The following ZNF365 variants were observed in gnomAD, a reference collection of about 807,000 sequenced individuals.
ZNF365 encodes the protein zinc finger protein 365.
In ZNF365, 22 loss-of-function variants were observed where a neutral mutation model predicts 35.0. The ratio of observed to expected loss-of-function variants is 0.63; its 90% CI spans 0.45 to 0.90. The LOEUF is 0.90. Ranked by LOEUF, ZNF365 falls within the 40% of genes least tolerant of loss-of-function variation. The pLI, the probability that ZNF365 is intolerant of heterozygous loss-of-function variation, is 0.00. For missense variants in ZNF365, 448 were observed against 500.3 expected, an observed-to-expected ratio of 0.90 and a Z score of 1.00; for synonymous variants, 188 against 196.2, an observed-to-expected ratio of 0.96 and a Z score of 0.35.
chr10:62,393,528 G>A lies in ZNF365; in HGVS notation c.924+4952G>A, dbSNP rs574261275. 4.6e-5 allele frequency among the ~76,000 whole-genome samples: 7 copies of A among 152,260 alleles called. No individual in the cohort carries two copies. In the South Asian group the frequency reaches 6.2e-4, roughly 14 times the overall value. ...AACACCCTCGTATATGCAGTCTGTC[G>A]TTGACTGAAACATTGTTTTTTAGTA... On this transcript the variant is annotated intron_variant, in intron 3 of 4. Transcript: ENST00000395254.
intron 3 of ZNF365, among the ~76,000 whole-genome samples, chr10:62,408,833 C>A (rs2893900): frequency 6.6e-6 from 1 of 152,026 alleles, no homozygotes; most frequent in Non-Finnish European, 1.5e-5. Flanking sequence ...TATCTTGATG[C>A]GTTGGTTTTG....
chr10:62,474,740 AG>A (rs1197894581), intron 4 of ZNF365, among the ~76,000 whole-genome samples: 2 of 152,190 alleles, frequency 1.3e-5, no homozygotes, highest in African/African-American at 4.8e-5. Context: ...CCCATCCTAT[AG>A]GAATCACAAA....
At chr10:62,441,639 C>G (rs1257928501) in intron 3 of ZNF365, among the ~76,000 whole-genome samples, 3 of 152,174 alleles carry the variant, frequency 2.0e-5, no homozygotes, top group Non-Finnish European at 4.4e-5. Context: ...TTGGGAATCA[C>G]ATATTCTATA....
intron 3 of ZNF365, among the ~76,000 whole-genome samples, chr10:62,391,622 C>T (rs1839631063): frequency 6.6e-6 from 1 of 152,212 alleles, no homozygotes; most frequent in Admixed American, 6.5e-5. Context: ...ATATAAACCA[C>T]AATTTCTTTA....
At chr10:62,445,720 T>C (rs1177329042) in intron 3 of ZNF365, among the ~76,000 whole-genome samples, 3 of 152,198 alleles carry the variant, frequency 2.0e-5, no homozygotes, top group Non-Finnish European at 4.4e-5. Context: ...TTTGTGTATG[T>C]TTGAAAGTTT....
intron 3 of ZNF365, among the ~76,000 whole-genome samples, chr10:62,410,920 A>G (rs1839975693): frequency 6.6e-6 from 1 of 152,162 alleles, no homozygotes; most frequent in Admixed American, 6.6e-5. Context: ...CATTTTCTCT[A>G]CAACCTTGCC....
intron 3 of ZNF365, among the ~76,000 whole-genome samples, chr10:62,389,106 T>G (rs1414633826): frequency 6.6e-6 from 1 of 152,198 alleles, no homozygotes; most frequent in Non-Finnish European, 1.5e-5. Flanking sequence ...TAGGGTAGAT[T>G]CCTGCATACA....
In ZNF365 at chr10:62,400,120, G is replaced by A; in HGVS notation, c.*331G>A. The A allele has an allele frequency of 1.9e-6, 2 of 1,057,156 alleles. No individual in the cohort carries two copies. The highest frequency in any genetic ancestry group is 1.7e-5 in the African/African-American group (1 of 60,272). 65.5% of individuals were successfully genotyped at this position (1,057,156 alleles called of 1,614,324 possible). A position where few individuals can be genotyped will look rare whatever the true frequency, so the allele number is the denominator to read the frequency against. On this transcript the variant is annotated 3_prime_UTR_variant, in exon 5 of 5. Transcript: ENST00000395254. ...CTATGCAGTGGTCACTAATTTTCAG[G>A]ACCAAGGCCACACAAAATGTCAGGC...
At chr10:62,465,277 G>C (rs1006799099) in intron 4 of ZNF365, among the ~76,000 whole-genome samples, 4 of 152,202 alleles carry the variant, frequency 2.6e-5, no homozygotes, top group African/African-American at 9.6e-5. Flanking sequence ...CTTCCTCCAG[G>C]CTTTGGGCAC....
At chr10:62,456,998 G>A (rs1385501790) in intron 3 of ZNF365, among the ~76,000 whole-genome samples, 1 of 152,146 alleles carries the variant, frequency 6.6e-6, no homozygotes, top group African/African-American at 2.4e-5. Context: ...GCTCAGCTGG[G>A]GGTCAGCTAA....
At chr10:62,427,165 A>G (rs1450742546) in intron 3 of ZNF365, among the ~76,000 whole-genome samples, 2 of 152,156 alleles carry the variant, frequency 1.3e-5, no homozygotes, top group Non-Finnish European at 2.9e-5. Flanking sequence ...CTTTTTCTAT[A>G]CTATTTATCA....
chr10:62,422,898 T>G (rs1322416809), intron 3 of ZNF365, among the ~76,000 whole-genome samples: 1 of 152,164 alleles, frequency 6.6e-6, no homozygotes, highest in East Asian at 1.9e-4. Flanking sequence ...CAGACTCCCT[T>G]GGCACCTACT....
chr10:62,420,946 C>T lies in ZNF365; in HGVS notation c.924+32370C>T, dbSNP rs529654988. 2.0e-4 allele frequency among the ~76,000 whole-genome samples: 30 copies of T among 150,404 alleles called. 1 individual carries two copies. The South Asian group carries it at 5.7e-3, about 28-fold the overall frequency. On this transcript the variant is annotated intron_variant, in intron 3 of 4. Coordinates refer to the ZNF365 transcript ENST00000395255. ...CAGAGGCACCTGTCACCACACCCGG[C>T]TAGTTTTTTATATTTTTGTAGAGAT... is the stretch of plus-strand genomic sequence containing the variant.
At chr10:62,442,013 C>T (rs888987637) in intron 3 of ZNF365, among the ~76,000 whole-genome samples, 1 of 152,156 alleles carries the variant, frequency 6.6e-6, no homozygotes, top group Non-Finnish European at 1.5e-5. Flanking sequence ...TTTTCTTTTG[C>T]CTTCCCAAGC....
chr10:62,383,019 A>C (rs1839466309), intron 2 of ZNF365, among the ~76,000 whole-genome samples: 2 of 151,516 alleles, frequency 1.3e-5, no homozygotes, highest in African/African-American at 2.4e-5. Flanking sequence ...CCCACCCCCT[A>C]CTCCTGTAGG....
intron 3 of ZNF365, among the ~76,000 whole-genome samples, chr10:62,445,358 T>C (rs528402490): frequency 1.3e-5 from 2 of 151,724 alleles, no homozygotes. Context: ...CACACTGACT[T>C]CCACAATGGT....
chr10:62,461,993 A>G (rs991461194), intron 4 of ZNF365, among the ~76,000 whole-genome samples: 1 of 151,928 alleles, frequency 6.6e-6, no homozygotes, highest in Non-Finnish European at 1.5e-5. Flanking sequence ...TTTTACTACT[A>G]GTGATTTTAG....
intron 3 of ZNF365, among the ~76,000 whole-genome samples, chr10:62,394,573 C>T (rs138297898): frequency 9.9e-5 from 15 of 152,196 alleles, no homozygotes; most frequent in Admixed American, 3.3e-4. Flanking sequence ...GTGTCTAATT[C>T]GGCACCATTT....
At chr10:62,461,733 G>A (rs146481885) in intron 4 of ZNF365, among the ~76,000 whole-genome samples, 1 of 152,080 alleles carries the variant, frequency 6.6e-6, no homozygotes, top group East Asian at 1.9e-4. Flanking sequence ...GTAGCAAATA[G>A]GATTAAAGAG....
Sources: allele counts gnomAD v4.1 joint callset (sites outside exome capture counted in the v4.1 genomes callset), GRCh38; gene constraint gnomAD v4.1.1; transcripts MANE v1.5; gene names NCBI Gene and HGNC (gene_info 2026-07-23, HGNC 2026-07-21).